Variants in KIAA1217 observed in about 807,000 individuals in gnomAD.
KIAA1217 encodes the protein sickle tail protein homolog.
In KIAA1217, 88 loss-of-function variants were observed where a neutral mutation model predicts 163.9. That is an observed-to-expected ratio of 0.54 (90% CI 0.45 to 0.64). The LOEUF (loss-of-function observed/expected upper bound fraction) is 0.64, where lower values mean the gene tolerates loss of function less well. Ranked by LOEUF, KIAA1217 falls within the 30% of genes least tolerant of loss-of-function variation. The probability of loss-of-function intolerance (pLI) is 0.00; values close to 1 mark genes in which losing one functional copy is unlikely to be tolerated. For missense variants in KIAA1217, 2,372 were observed against 2,475.0 expected (o/e 0.96, Z 0.88); for synonymous variants, 903 against 923.1 (o/e 0.98, Z 0.39).
chr10:23,854,710 C>T (rs1413449728), intron 1 of KIAA1217, among the ~76,000 whole-genome samples: 5 of 152,286 alleles, frequency 3.3e-5, no homozygotes, highest in Non-Finnish European at 1.5e-5. Context: ...GTATTGGGTG[C>T]ATATATATTT....
At chr10:24,084,956 C>T (rs1199041965) in intron 2 of KIAA1217, among the ~76,000 whole-genome samples, 2 of 149,588 alleles carry the variant, frequency 1.3e-5, no homozygotes, top group Non-Finnish European at 3.0e-5. Context: ...CTCTGTCGCC[C>T]AGGCTGGAGT....
intron 2 of KIAA1217, among the ~76,000 whole-genome samples, chr10:24,160,024 A>G (rs2065050236): frequency 6.6e-6 from 1 of 152,132 alleles, no homozygotes; most frequent in African/African-American, 2.4e-5. Context: ...ATGTAATATT[A>G]GTGTGGGTAT....
chr10:23,810,356 T>A (rs1407800185), intron 1 of KIAA1217, among the ~76,000 whole-genome samples: 2 of 146,256 alleles, frequency 1.4e-5, no homozygotes, highest in African/African-American at 5.0e-5. Context: ...ATATATAGAT[T>A]ATATATAGTA....
rs376151924 is a variant in KIAA1217 at position 24,403,485 on chromosome 10, C to T, written c.553+22418C>T. ...AACTCCTGACCTCAAGTGATCCTCC[C>T]GCCTCAGCCTCCCAAAGTGCTGGGA... On this transcript the variant is annotated intron_variant, in intron 3 of 20. Transcript: ENST00000376454. 8.5e-5 allele frequency among the ~76,000 whole-genome samples: 13 copies of T among 152,118 alleles called. No homozygotes were observed. In the East Asian group the frequency reaches 9.6e-4, roughly 11 times the overall value.
intron 2 of KIAA1217, among the ~76,000 whole-genome samples, chr10:24,224,311 C>T (rs543527377): frequency 2.0e-5 from 3 of 152,082 alleles, no homozygotes; most frequent in African/African-American, 7.2e-5. Flanking sequence ...ATGATTTGGG[C>T]TAATAGCTTA....
At chr10:24,365,693 T>A (rs866578962) in intron 2 of KIAA1217, among the ~76,000 whole-genome samples, 1 of 152,104 alleles carries the variant, frequency 6.6e-6, no homozygotes, top group South Asian at 2.1e-4. Context: ...TCTCTTCAAG[T>A]TCTTTTATTT....
intron 4 of KIAA1217, among the ~76,000 whole-genome samples, chr10:24,437,234 C>G (rs186935793): frequency 6.6e-6 from 1 of 152,278 alleles, no homozygotes; most frequent in Admixed American, 6.5e-5. Context: ...TGAGTCTCCC[C>G]TTCATATTCA....
chr10:24,072,087 G>A (rs986664261), intron 2 of KIAA1217, among the ~76,000 whole-genome samples: 4 of 152,020 alleles, frequency 2.6e-5, no homozygotes, highest in Non-Finnish European at 5.9e-5. Context: ...GTACAGTGGT[G>A]TGACCATAGC....
chr10:24,384,632 G>A (rs988151346), intron 3 of KIAA1217, among the ~76,000 whole-genome samples: 6 of 151,946 alleles, frequency 3.9e-5, no homozygotes, highest in African/African-American at 1.2e-4. Flanking sequence ...TGTCTCCCGG[G>A]TTCACGCCAT....
At chr10:24,021,969 CAA>C (rs1847752583) in intron 2 of KIAA1217, among the ~76,000 whole-genome samples, 1 of 151,414 alleles carries the variant, frequency 6.6e-6, no homozygotes, top group East Asian at 1.9e-4. Context: ...ATGTAAAACC[CAA>C]AACTATAAAA....
intron 1 of KIAA1217, among the ~76,000 whole-genome samples, chr10:23,775,353 G>A (rs913916189): frequency 2.0e-5 from 3 of 152,126 alleles, no homozygotes; most frequent in Non-Finnish European, 4.4e-5. Context: ...AACGGAGATG[G>A]GCATATTTTG....
intron 1 of KIAA1217, among the ~76,000 whole-genome samples, chr10:23,864,084 A>G (rs919071030): frequency 1.3e-5 from 2 of 150,908 alleles, no homozygotes; most frequent in Admixed American, 1.3e-4. Flanking sequence ...TATTATTATT[A>G]TTATTATTAT....
At chr10:24,397,895 G>A (rs1040514389) in intron 3 of KIAA1217, among the ~76,000 whole-genome samples, 3 of 152,182 alleles carry the variant, frequency 2.0e-5, no homozygotes, top group Non-Finnish European at 4.4e-5. Flanking sequence ...GAAGCAGCCA[G>A]TAGAGTAATC....
Position 24,317,732 on chromosome 10 carries a change from C to A in KIAA1217, c.355-63137C>A, listed in dbSNP as rs574974471. Among the ~76,000 whole-genome samples the A allele has an allele frequency of 2.9e-4, 44 of 152,272 alleles. No homozygotes were observed. In the South Asian group the frequency reaches 8.9e-3, roughly 31 times the overall value. ...TACAGGTTAAAGGTTCTTAGGCTTT[C>A]TCTGTTCACGGCATTCCTGTAGACT... is the stretch of plus-strand genomic sequence containing the variant. On this transcript the variant is annotated intron_variant, in intron 2 of 20. Transcript: ENST00000376454.
chr10:23,815,560 C>T (rs1237616404), intron 1 of KIAA1217, among the ~76,000 whole-genome samples: 3 of 152,104 alleles, frequency 2.0e-5, no homozygotes, highest in Admixed American at 6.6e-5. Context: ...AGGAGAATGA[C>T]GTGAACCTGG....
chr10:24,294,801 A>C (rs1299685992), intron 2 of KIAA1217, among the ~76,000 whole-genome samples: 1 of 152,220 alleles, frequency 6.6e-6, no homozygotes, highest in Non-Finnish European at 1.5e-5. Context: ...CAGGGGTCTG[A>C]AACTCTAGGA....
rs577767289 is a variant in KIAA1217 at position 23,722,206 on chromosome 10, T to G, written c.-321+26972T>G. Among the ~76,000 whole-genome samples the G allele has an allele frequency of 1.1e-3, 170 of 152,246 alleles. 2 individuals are homozygous for G. Among genetic ancestry groups the G allele is most frequent in the Middle Eastern group, 3.4e-3 (1 of 294 alleles). ...GGGGGAAGGGGAAATGTGGAGCTAT[T>G]GTTTAATGAGATTAATGTGTATAAT... is the stretch of plus-strand genomic sequence containing the variant. On this transcript the variant is annotated intron_variant, in intron 1 of 18. Coordinates refer to the KIAA1217 transcript ENST00000376462.
chr10:23,903,008 C>T (rs1010413338), intron 1 of KIAA1217, among the ~76,000 whole-genome samples: 2 of 152,074 alleles, frequency 1.3e-5, no homozygotes, highest in Non-Finnish European at 2.9e-5. Context: ...GAGCCAATTT[C>T]AGTGAACACC....
chr10:24,032,800 T>A (rs375874476), intron 2 of KIAA1217, among the ~76,000 whole-genome samples: 7 of 152,290 alleles, frequency 4.6e-5, no homozygotes, highest in African/African-American at 1.7e-4. Context: ...TTCAATAATA[T>A]CTCTGGAGAC....
Sources: gnomAD v4.1 joint callset for allele counts (sites outside exome capture counted in the v4.1 genomes callset) on GRCh38, gnomAD v4.1.1 for gene constraint, MANE v1.5 for transcripts, NCBI Gene and HGNC (gene_info 2026-07-23, HGNC 2026-07-21) for gene names.